Variants in KLF13 observed in about 807,000 individuals in gnomAD.
KLF13 encodes the protein KLF transcription factor 13.
KLF13 carries 8 observed loss-of-function variants against 16.7 expected under a neutral mutation model. The ratio of observed to expected loss-of-function variants is 0.48; its 90% CI spans 0.28 to 0.87. The LOEUF (loss-of-function observed/expected upper bound fraction) is 0.87. Ranked by LOEUF, KLF13 falls within the 40% of genes least tolerant of loss-of-function variation. KLF13 has a pLI of 0.10. For missense variants in KLF13, 447 were observed against 452.2 expected (o/e 0.99, Z 0.10); for synonymous variants, 245 against 208.4 (o/e 1.18, Z -1.51).
intron 1 of KLF13, among the ~76,000 whole-genome samples, chr15:31,383,308 C>T (rs1004074758): frequency 6.6e-6 from 1 of 152,190 alleles, no homozygotes; most frequent in Non-Finnish European, 1.5e-5. Context: ...CCTTCCCGGG[C>T]TCTGCAGTGC....
At chr15:31,365,207 TC>T (rs1488845324) in intron 1 of KLF13, among the ~76,000 whole-genome samples, 2 of 152,070 alleles carry the variant, frequency 1.3e-5, no homozygotes, top group Non-Finnish European at 2.9e-5. Flanking sequence ...GCAAGCAATT[TC>T]TCTTTGGAAG....
At chr15:31,364,152 AT>A (rs58081341) in intron 1 of KLF13, among the ~76,000 whole-genome samples, 124,210 of 152,016 alleles carry the variant, frequency 0.82, 50,973 homozygotes, top group South Asian at 0.9. Flanking sequence ...GTTTTGCAGG[AT>A]TTTTTTCTGG....
Position 31,327,700 on chromosome 15 carries a change from C to T in KLF13, c.488C>T (p.Pro163Leu), listed in dbSNP as rs1330596416. The T allele has an allele frequency of 2.6e-6, 4 of 1,538,118 alleles. No homozygotes were observed. The highest frequency in any genetic ancestry group is 2.6e-6 in the Non-Finnish European group (3 of 1,139,672). The change falls in exon 1 of 2, where the codon CCG becomes CTG. Residue 163 changes from proline (P) to leucine (L), a missense_variant. Transcript: ENST00000307145. ...CGAAGTCGCGCCGACCTCGAGTCCC[C>T]GCAGAGGAAGCACAAGTGCCACTAC... ...RGRSRADLES[P>L]QRKHKCHYAG...
chr15:31,434,469 T>C (rs779287204), intron 1 of KLF13, among the ~76,000 whole-genome samples: 23 of 151,980 alleles, frequency 1.5e-4, no homozygotes, highest in Non-Finnish European at 2.9e-4. Flanking sequence ...TTGCCCCCAG[T>C]TGAGCCAGAG....
rs1224549859 is a variant in KLF13, at chr15:31,327,017, G to C, written c.-196G>C. ...CCCATGCGCTCACTCTTCGGTGCCC[G>C]GCCGGGCCGGCGCCTCGCAGACGCG... On this transcript the variant is annotated 5_prime_UTR_variant, in exon 1 of 2. Coordinates refer to ENST00000307145, the MANE Select transcript of KLF13 (RefSeq NM_015995.4). 1 of 278,584 alleles carries C rather than the reference G, an allele frequency of 3.6e-6. No homozygotes were observed. The highest frequency in any genetic ancestry group is 5.6e-6 in the Non-Finnish European group (1 of 177,356). The allele number at this position is 278,584 out of a possible 1,614,324, so 17.3% of individuals were successfully genotyped here. A position where few individuals can be genotyped will look rare whatever the true frequency, so the allele number is the denominator to read the frequency against.
chr15:31,341,688 C>T (rs1485323557), intron 1 of KLF13, among the ~76,000 whole-genome samples: 2 of 152,090 alleles, frequency 1.3e-5, no homozygotes, highest in Non-Finnish European at 2.9e-5. Flanking sequence ...AGGTGTGAGC[C>T]ACCACACCCA....
At chr15:31,422,502 A>G (rs948347818) in intron 1 of KLF13, among the ~76,000 whole-genome samples, 9 of 98,632 alleles carry the variant, frequency 9.1e-5, no homozygotes, top group African/African-American at 3.4e-4. Flanking sequence ...AACCATCCCC[A>G]TGATCAAATT....
At chr15:31,383,050 A>G (rs2039747146) in intron 1 of KLF13, among the ~76,000 whole-genome samples, 3 of 152,192 alleles carry the variant, frequency 2.0e-5, no homozygotes, top group African/African-American at 7.2e-5. Context: ...ATCAACAGTA[A>G]ATATCAAGAT....
At position 31,376,280 on chromosome 15, in the gene KLF13, G is replaced by T. The variant is rs2039644083; in HGVS notation, c.*3981G>T. ...AGTGTGGCCTTGTTTCTCCGCTTCT[G>T]GTTGTGGCTGTGTGTACAGGGCTAC... On this transcript the variant is annotated 3_prime_UTR_variant, in exon 2 of 2. Coordinates refer to ENST00000307145, the MANE Select transcript of KLF13 (RefSeq NM_015995.4). 1 of 140,466 alleles carries T rather than the reference G, an allele frequency of 7.1e-6. No homozygotes were observed. Among genetic ancestry groups the T allele is most frequent in the African/African-American group, 2.7e-5 (1 of 37,558 alleles). The allele number at this position is 140,466 out of a possible 1,614,324, so 8.7% of individuals were successfully genotyped here.
intron 1 of KLF13, among the ~76,000 whole-genome samples, chr15:31,345,475 A>G (rs1394254300): frequency 6.6e-6 from 1 of 152,228 alleles, no homozygotes; most frequent in African/African-American, 2.4e-5. Context: ...GGGTGCGGGC[A>G]GATCCTGCCT....
intron 1 of KLF13, among the ~76,000 whole-genome samples, chr15:31,370,044 CTTTTTTTTTT>C (rs912005994): frequency 1.0e-5 from 1 of 99,302 alleles, no homozygotes; most frequent in Non-Finnish European, 2.1e-5. Context: ...TCTCCTTTTT[CTTTTTTTTTT>C]TTTTTTTTTT....
chr15:31,422,998 C>T (rs60455079), intron 1 of KLF13, among the ~76,000 whole-genome samples: 15,709 of 150,210 alleles, frequency 0.1, 2,890 homozygotes, highest in African/African-American at 0.37. Flanking sequence ...GATCACGCCA[C>T]TGCACTCCAG....
chr15:31,347,944 G>A (rs1234588490), intron 1 of KLF13, among the ~76,000 whole-genome samples: 1 of 152,228 alleles, frequency 6.6e-6, no homozygotes, highest in East Asian at 1.9e-4. Context: ...AGAGAGCTGC[G>A]CTTCTCAGTG....
downstream of KLF13, among the ~76,000 whole-genome samples, chr15:31,406,436 C>A (rs2040130507): frequency 6.6e-6 from 1 of 152,114 alleles, no homozygotes; most frequent in Non-Finnish European, 1.5e-5. Flanking sequence ...TGTTTATAAC[C>A]AACCCTGGCA....
At chr15:31,415,802 G>C (rs760192653) in intron 1 of KLF13, among the ~76,000 whole-genome samples, 25 of 151,098 alleles carry the variant, frequency 1.7e-4, no homozygotes, top group Admixed American at 2.6e-4. Flanking sequence ...ATGAAATAGA[G>C]AATAAAAAAC....
chr15:31,387,224 A>G (rs2039805152), intron 1 of KLF13, among the ~76,000 whole-genome samples: 1 of 152,220 alleles, frequency 6.6e-6, no homozygotes, highest in Non-Finnish European at 1.5e-5. Context: ...TCCATCACTA[A>G]AAGACTAGTC....
rs148252769 is a variant in KLF13, at chr15:31,336,816, A to T, written c.577+9027A>T. Among the ~76,000 whole-genome samples, 7 of 152,278 alleles carry T rather than the reference A, an allele frequency of 4.6e-5. No homozygotes were observed. In the East Asian group the frequency reaches 1.4e-3, roughly 29 times the overall value. On this transcript the variant is annotated intron_variant, in intron 1 of 1. Transcript: ENST00000307145. ...AAGGTTAAGGCTATTCACCTGGGCCACTGGCTGGGGTGCTGCTCAAAGCCA... is the reference window on the plus strand; with the variant it reads ...AAGGTTAAGGCTATTCACCTGGGCCTCTGGCTGGGGTGCTGCTCAAAGCCA...
intron 1 of KLF13, among the ~76,000 whole-genome samples, chr15:31,432,474 G>T (rs1178547279): frequency 7.2e-6 from 1 of 138,584 alleles, no homozygotes; most frequent in Non-Finnish European, 1.5e-5. Flanking sequence ...TTTAAAATAA[G>T]GTCTTACTCC....
chr15:31,381,836 C>T (rs571331876), downstream of KLF13, among the ~76,000 whole-genome samples: 57 of 152,338 alleles, frequency 3.7e-4, no homozygotes, highest in African/African-American at 1.3e-3. Context: ...TTCTTAAAAG[C>T]CGATCAGTTC....
Sources: gnomAD v4.1 joint callset for allele counts (sites outside exome capture counted in the v4.1 genomes callset) on GRCh38, gnomAD v4.1.1 for gene constraint, MANE v1.5 for transcripts, NCBI Gene and HGNC (gene_info 2026-07-23, HGNC 2026-07-21) for gene names.